Variants in CDC27 observed in about 807,000 individuals in gnomAD.
The protein encoded by CDC27 is cell division cycle protein 27 homolog.
A neutral mutation model predicts 109.7 loss-of-function variants in CDC27; 27 were observed. The ratio of observed to expected loss-of-function variants is 0.25; its 90% CI spans 0.18 to 0.34. The LOEUF is 0.34. Among genes scored for constraint, CDC27 ranks in the 10% least tolerant of loss-of-function variants. The pLI is 1.00. For missense variants in CDC27, 579 were observed against 960.2 expected (o/e 0.60, Z 5.25); for synonymous variants, 266 against 333.9 (o/e 0.80, Z 2.22).
intron 2 of CDC27, among the ~76,000 whole-genome samples, chr17:47,173,307 T>C (rs1283684442): frequency 6.6e-6 from 1 of 151,638 alleles, no homozygotes; most frequent in Non-Finnish European, 1.5e-5. Context: ...TAATAAATAG[T>C]AAATGATAAG....
intron 1 of CDC27, 184 bp downstream of exon 1, chr17:47,188,962 A>T: frequency 1.4e-6 from 2 of 1,452,586 alleles, no homozygotes; most frequent in South Asian, 1.4e-5. Context: ...ATGTAGGGCC[A>T]GAGGTAACAC....
chr17:47,151,174 A>G (rs1158508156), intron 9 of CDC27, among the ~76,000 whole-genome samples: 1 of 152,234 alleles, frequency 6.6e-6, no homozygotes, highest in African/African-American at 2.4e-5. Flanking sequence ...AGCCTCAGGC[A>G]ATCACTGCAA....
At chr17:47,176,565 A>G (rs868178289) in intron 2 of CDC27, among the ~76,000 whole-genome samples, 1 of 152,212 alleles carries the variant, frequency 6.6e-6, no homozygotes. Context: ...ATGGCAATAT[A>G]TGAGGAGAAA....
rs1009531140 is a variant in CDC27 at position 47,189,262 on chromosome 17, A to G, written c.-90T>C. The G allele has an allele frequency of 5.0e-6, 5 of 1,004,844 alleles. No homozygotes were observed. Among genetic ancestry groups the G allele is most frequent in the Non-Finnish European group, 7.9e-6 (5 of 635,044 alleles). The allele number at this position is 1,004,844 out of a possible 1,614,324, so 62.2% of individuals were successfully genotyped here. Reference sequence around the variant, plus strand: ...CAGCCCCTGCTCATTTAAACTCACCAGCGACCGTTACCGGGGGATGGGGGA... The same window carrying G: ...CAGCCCCTGCTCATTTAAACTCACCGGCGACCGTTACCGGGGGATGGGGGA... On this transcript the variant is annotated 5_prime_UTR_variant, in exon 1 of 19. Transcript: ENST00000066544.
chr17:47,149,404 G>A (rs986348865), intron 9 of CDC27, among the ~76,000 whole-genome samples: 9 of 151,474 alleles, frequency 5.9e-5, no homozygotes, highest in East Asian at 3.9e-4. Context: ...CCAGCTACTC[G>A]GGAGGCTGAG....
chr17:47,144,141 A>C (rs1367167450), intron 9 of CDC27, among the ~76,000 whole-genome samples, 159 bp from the exon 10 acceptor site: 2 of 152,168 alleles, frequency 1.3e-5, no homozygotes, highest in Non-Finnish European at 2.9e-5. Flanking sequence ...CTCTATGAAA[A>C]CACAGTATTT....
At chr17:47,139,439 T>A (rs1277939457) in intron 12 of CDC27, among the ~76,000 whole-genome samples, 1 of 151,346 alleles carries the variant, frequency 6.6e-6, no homozygotes, top group Non-Finnish European at 1.5e-5. Context: ...GCTAATTTTT[T>A]GTATTTTTTA....
Position 47,142,022 on chromosome 17 carries a change from C to A in CDC27, c.1382G>T (p.Gly461Val), listed in dbSNP as rs1445737596. The A allele has an allele frequency of 5.0e-6, 8 of 1,584,952 alleles. No individual in the cohort carries two copies. The highest frequency in any genetic ancestry group is 2.3e-5 in the East Asian group (1 of 44,352). ...CATTTCACGAAGAAGGCTCATCAAA[C>A]CTTCTAGGAGAAAACAACATAGTAA... ...AFNLQKAAAE[G>V]LMSLLREMGK... The change falls in exon 12 of 19, where the codon GGT (glycine) becomes GTT (valine). Residue 461 changes from glycine to valine, a missense_variant. Gly to Val is a moderately radical substitution (Grantham distance 109, BLOSUM62 -3). Transcript: ENST00000066544.
chr17:47,158,313 GA>G lies in CDC27; in HGVS notation c.378-11del. On this transcript the variant is annotated splice_polypyrimidine_tract_variant and intron_variant, in intron 4 of 18. Coordinates refer to ENST00000066544, the MANE Select transcript of CDC27 (RefSeq NM_001256.6). Reference sequence around the variant, plus strand: ...AAGCCGATCTGTCTTGCTGTGGAGAGAAACAAGTAGATTAAATAAGCTACAA... The same window carrying G: ...AAGCCGATCTGTCTTGCTGTGGAGAGAACAAGTAGATTAAATAAGCTACAA... 7.1e-7 allele frequency: 1 copy of G among 1,414,354 alleles called. No individual in the cohort carries two copies. Among genetic ancestry groups the G allele is most frequent in the South Asian group, 1.4e-5 (1 of 69,628 alleles). 87.6% of individuals were successfully genotyped at this position (1,414,354 alleles called of 1,614,324 possible).
intron 2 of CDC27, among the ~76,000 whole-genome samples, chr17:47,174,773 T>C (rs1031296099): frequency 3.3e-5 from 5 of 152,122 alleles, no homozygotes; most frequent in Admixed American, 6.5e-5. Context: ...CTGGCCAACA[T>C]GGTGAAACCC....
chr17:47,188,792 T>A (rs2064552289), intron 1 of CDC27: 1 of 1,167,528 alleles, frequency 8.6e-7, no homozygotes, highest in African/African-American at 1.6e-5. Context: ...TTCTCGATCA[T>A]CTTTTAGGCA....
chr17:47,182,387 A>T (rs2064277227), intron 1 of CDC27, among the ~76,000 whole-genome samples: 1 of 152,182 alleles, frequency 6.6e-6, no homozygotes, highest in South Asian at 2.1e-4. Context: ...TGTACTCACC[A>T]CCCAGCTTAA....
chr17:47,133,086 AACAC>A (rs1211093000), intron 14 of CDC27, among the ~76,000 whole-genome samples: 1 of 30,628 alleles, frequency 3.3e-5, no homozygotes, highest in African/African-American at 1.4e-4. Context: ...CACACACACA[AACAC>A]ACACACACAA....
chr17:47,126,185 C>G (rs1054929271), intron 16 of CDC27, among the ~76,000 whole-genome samples: 51 of 152,160 alleles, frequency 3.4e-4, no homozygotes, highest in African/African-American at 1.2e-3. Context: ...CAGAAAATCT[C>G]AGAAGCAATC....
rs556376188 is a variant in CDC27, at chr17:47,143,872, C to G, written c.1170+11G>C. 1 of 1,362,704 alleles carries G rather than the reference C, an allele frequency of 7.3e-7. No individual in the cohort carries two copies. Among genetic ancestry groups the G allele is most frequent in the African/African-American group, 1.5e-5 (1 of 67,792 alleles). The allele number at this position is 1,362,704 out of a possible 1,614,324, so 84.4% of individuals were successfully genotyped here. A position where few individuals can be genotyped will look rare whatever the true frequency, so the allele number is the denominator to read the frequency against. On this transcript the variant is annotated intron_variant, in intron 10 of 18. Coordinates refer to ENST00000066544, the MANE Select transcript of CDC27 (RefSeq NM_001256.6). ...TTAAGTAAATGTGACATACAGAAAT[C>G]TTTAAATTACCTTGGTTGTGGAGCT...
Position 47,157,399 on chromosome 17 carries a change from A to AT in CDC27, c.476-16_476-15insA, listed in dbSNP as rs751779345. 2 of 1,594,068 alleles carry AT rather than the reference A, an allele frequency of 1.3e-6. No homozygotes were observed. Among genetic ancestry groups the AT allele is most frequent in the East Asian group, 4.5e-5 (2 of 44,754 alleles). On this transcript the variant is annotated splice_polypyrimidine_tract_variant and intron_variant, in intron 5 of 18. Transcript: ENST00000066544. ...TGGCTTTTCACCTGTGAAGACAAAAAAAAAAAAAGTTTGTCTCTGAGGAAG... is the reference window on the plus strand; with the variant it reads ...TGGCTTTTCACCTGTGAAGACAAAAATAAAAAAAAGTTTGTCTCTGAGGAAG...
intron 16 of CDC27, among the ~76,000 whole-genome samples, chr17:47,125,235 CTTTTTTTTTTT>C (rs58631604): frequency 6.5e-4 from 31 of 48,018 alleles, no homozygotes; most frequent in Admixed American, 3.7e-3. Flanking sequence ...TTAAAGAAAT[CTTTTTTTTTTT>C]TTTTTTTTTT....
intron 4 of CDC27, chr17:47,161,076 A>G (rs1286069645): frequency 6.8e-6 from 1 of 148,140 alleles, no homozygotes; most frequent in Non-Finnish European, 1.5e-5. Context: ...TTTTTTTTTT[A>G]AAGGGATAGG....
intron 14 of CDC27, among the ~76,000 whole-genome samples, chr17:47,133,262 C>T (rs1212319679): frequency 2.0e-5 from 3 of 149,268 alleles, no homozygotes; most frequent in East Asian, 3.9e-4. Flanking sequence ...CTCAGCCTCC[C>T]GAGTAGCTGG....
Sources: allele counts gnomAD v4.1 joint callset (sites outside exome capture counted in the v4.1 genomes callset), GRCh38; gene constraint gnomAD v4.1.1; transcripts MANE v1.5; gene names NCBI Gene and HGNC (gene_info 2026-07-23, HGNC 2026-07-21).